Variants in SLC9A9 observed in about 807,000 individuals in gnomAD.
The protein encoded by SLC9A9 is sodium/hydrogen exchanger 9.
A neutral mutation model predicts 77.8 loss-of-function variants in SLC9A9; 62 were observed. That is an observed-to-expected ratio of 0.80 (90% CI 0.65 to 0.98). The LOEUF is 0.98. Ranked by LOEUF, SLC9A9 falls within the 50% of genes least tolerant of loss-of-function variation. SLC9A9 has a pLI of 0.00. For missense variants in SLC9A9, 775 were observed against 774.9 expected (o/e 1.00, Z 0.00); for synonymous variants, 320 against 283.5 (o/e 1.13, Z -1.29).
At chr3:143,824,081 A>G (rs2009239406) in intron 2 of SLC9A9, among the ~76,000 whole-genome samples, 1 of 152,212 alleles carries the variant, frequency 6.6e-6, no homozygotes, top group Non-Finnish European at 1.5e-5. Context: ...TCTGAAGGCA[A>G]GCTTTCAAAA....
intron 4 of SLC9A9, among the ~76,000 whole-genome samples, chr3:143,701,910 G>A (rs900493479): frequency 1.3e-5 from 2 of 152,092 alleles, no homozygotes; most frequent in African/African-American, 2.4e-5. Flanking sequence ...GACCCTAAAA[G>A]CAGCAAGAGA....
At chr3:143,414,224 G>A (rs1213200139) in intron 12 of SLC9A9, among the ~76,000 whole-genome samples, 4 of 152,268 alleles carry the variant, frequency 2.6e-5, no homozygotes, top group African/African-American at 9.6e-5. Flanking sequence ...CTGTATAGAA[G>A]TCTGTGTGTA....
At chr3:143,513,410 G>T (rs1036574899) in intron 9 of SLC9A9, among the ~76,000 whole-genome samples, 23 of 152,258 alleles carry the variant, frequency 1.5e-4, no homozygotes, top group African/African-American at 5.5e-4. Context: ...AATTCAGGCT[G>T]TTTTTAATTC....
At chr3:143,719,214 T>G (rs749671649) in intron 4 of SLC9A9, among the ~76,000 whole-genome samples, 1 of 152,226 alleles carries the variant, frequency 6.6e-6, no homozygotes, top group Non-Finnish European at 1.5e-5. Flanking sequence ...GTTGAGTGAC[T>G]TGCCATCTTA....
At chr3:143,645,215 A>G (rs2038684674) in intron 6 of SLC9A9, among the ~76,000 whole-genome samples, 1 of 152,216 alleles carries the variant, frequency 6.6e-6, no homozygotes, top group Non-Finnish European at 1.5e-5. Flanking sequence ...ATAATTGCCT[A>G]TGTGTTGTGA....
chr3:143,517,271 G>C, intron 9 of SLC9A9: 1 of 1,270,084 alleles, frequency 7.9e-7, no homozygotes, highest in South Asian at 1.2e-5. Flanking sequence ...AAGAACCTCT[G>C]GATCACTAAG....
chr3:143,481,557 A>T (rs1487603258), intron 11 of SLC9A9, among the ~76,000 whole-genome samples: 1 of 152,224 alleles, frequency 6.6e-6, no homozygotes, highest in Non-Finnish European at 1.5e-5. Context: ...ACAGAATGAG[A>T]TGGGAGAAAT....
At chr3:143,652,437 A>G (rs2038813660) in intron 5 of SLC9A9, 77 bp from the exon 6 acceptor site, 5 of 1,037,238 alleles carry the variant, frequency 4.8e-6, no homozygotes, top group Non-Finnish European at 7.4e-6. Context: ...TCACCACTCA[A>G]AAACATTAAT....
At position 143,363,583 on chromosome 3, in the gene SLC9A9, A is replaced by G. The variant is rs765993119; in HGVS notation, c.1525-20T>C. 3 of 1,602,618 alleles carry G rather than the reference A, an allele frequency of 1.9e-6. No individual in the cohort carries two copies. Among genetic ancestry groups the G allele is most frequent in the Non-Finnish European group, 1.7e-6 (2 of 1,170,330 alleles). On this transcript the variant is annotated intron_variant, in intron 13 of 15. Coordinates refer to ENST00000316549, the MANE Select transcript of SLC9A9 (RefSeq NM_173653.4). ...TGCTTCCTGGGGAGAAACAATAGAA[A>G]AAGGCATTGGGTAAATAGTCAAAAA...
At chr3:143,457,318 C>T (rs963524692) in intron 12 of SLC9A9, among the ~76,000 whole-genome samples, 3 of 152,096 alleles carry the variant, frequency 2.0e-5, no homozygotes, top group South Asian at 4.1e-4. Flanking sequence ...TGGTCTGGCC[C>T]CTCCTTTCAT....
rs139843950 is a variant in SLC9A9, at chr3:143,484,237, T to G, written c.1315+9416A>C. On this transcript the variant is annotated intron_variant, in intron 11 of 15. Transcript: ENST00000316549. ...ATTAAACTATATTTATAATCAAATA[T>G]TCTTTAAGGGGATTGGCTTTTTCTT... is the stretch of plus-strand genomic sequence containing the variant. 2.0e-4 allele frequency among the ~76,000 whole-genome samples: 30 copies of G among 152,310 alleles called. 1 individual carries two copies. The highest frequency in any genetic ancestry group is 6.7e-4 in the African/African-American group (28 of 41,582).
rs2033071698 is a variant in SLC9A9, at chr3:143,372,080, T to C, written c.1525-8517A>G. ...GAAAGAAATCATAGATCCAAATAAA[T>C]GGAAACATATCACATGGTTATGGAT... On this transcript the variant is annotated intron_variant, in intron 13 of 15. Coordinates refer to ENST00000316549, the MANE Select transcript of SLC9A9 (RefSeq NM_173653.4). The C allele has an allele frequency of 9.3e-6, 3 of 322,204 alleles. No homozygotes were observed. In the Admixed American group the frequency reaches 1.1e-4, roughly 12 times the overall value. The allele number at this position is 322,204 out of a possible 1,614,324, so 20.0% of individuals were successfully genotyped here.
At chr3:143,461,456 T>C (rs1188192075) in intron 12 of SLC9A9, among the ~76,000 whole-genome samples, 1 of 152,224 alleles carries the variant, frequency 6.6e-6, no homozygotes, top group Non-Finnish European at 1.5e-5. Context: ...AAAAGGCTCA[T>C]AGGTATCCTC....
At chr3:143,421,393 T>G (rs112884025) in intron 12 of SLC9A9, among the ~76,000 whole-genome samples, 16,353 of 152,144 alleles carry the variant, frequency 0.11, 1,473 homozygotes, top group African/African-American at 0.25. Flanking sequence ...AAAACAGCGT[T>G]GTACTGGTAC....
chr3:143,336,405 T>C (rs1221187702), intron 14 of SLC9A9, among the ~76,000 whole-genome samples: 1 of 152,074 alleles, frequency 6.6e-6, no homozygotes, highest in Non-Finnish European at 1.5e-5. Flanking sequence ...TCCAAAAGAA[T>C]TGAAAGCAGG....
chr3:143,330,412 T>C (rs1286686841), intron 14 of SLC9A9, among the ~76,000 whole-genome samples: 1 of 152,230 alleles, frequency 6.6e-6, no homozygotes, highest in Admixed American at 6.5e-5. Context: ...AGCAGTTAAG[T>C]AATCCGATCT....
intron 14 of SLC9A9, among the ~76,000 whole-genome samples, chr3:143,307,025 C>T (rs758309661): frequency 6.6e-6 from 1 of 152,204 alleles, no homozygotes; most frequent in Non-Finnish European, 1.5e-5. Flanking sequence ...AGACACATTG[C>T]TCTGTTTTTC....
At chr3:143,416,963 T>C (rs1002308982) in intron 12 of SLC9A9, among the ~76,000 whole-genome samples, 1 of 152,144 alleles carries the variant, frequency 6.6e-6, no homozygotes, top group Non-Finnish European at 1.5e-5. Context: ...GTTTATTCCC[T>C]GAGTCTTACA....
intron 4 of SLC9A9, among the ~76,000 whole-genome samples, chr3:143,781,116 TG>T (rs2007867886): frequency 6.6e-6 from 1 of 152,180 alleles, no homozygotes; most frequent in Non-Finnish European, 1.5e-5. Flanking sequence ...AAGCCAATAT[TG>T]GTACATTATT....
Sources: gnomAD v4.1 joint callset for allele counts (sites outside exome capture counted in the v4.1 genomes callset) on GRCh38, gnomAD v4.1.1 for gene constraint, MANE v1.5 for transcripts, NCBI Gene and HGNC (gene_info 2026-07-23, HGNC 2026-07-21) for gene names.